VPS25: variants seen among roughly 807,000 people sequenced by gnomAD.
VPS25 encodes the protein vacuolar protein sorting 25 homolog.
A neutral mutation model predicts 30.3 loss-of-function variants in VPS25; 21 were observed. The observed-to-expected ratio is 0.69, with a 90% confidence interval of 0.49 to 1.00. The LOEUF is 1.00. Among genes scored for constraint, VPS25 ranks in the 50% least tolerant of loss-of-function variants. VPS25 has a pLI of 0.00. For synonymous variants in VPS25, 101 were observed against 88.1 expected (o/e 1.15, Z -0.82); for missense variants, 156 against 217.2 (o/e 0.72, Z 1.77).
At chr17:42,777,585 G>A (rs1048778691) in intron 5 of VPS25, among the ~76,000 whole-genome samples, 4 of 152,112 alleles carry the variant, frequency 2.6e-5, no homozygotes, top group Non-Finnish European at 5.9e-5. Context: ...TATAGATGCC[G>A]AATGAGAAAC....
intron 5 of VPS25, among the ~76,000 whole-genome samples, chr17:42,777,345 T>C (rs950872381): frequency 1.3e-5 from 2 of 152,084 alleles, no homozygotes; most frequent in African/African-American, 4.8e-5. Context: ...TGAAACCCCG[T>C]CTCTACTAAA....
At chr17:42,778,497 TAAAAGCTAG>T (rs2054448433) in intron 5 of VPS25, among the ~76,000 whole-genome samples, 2 of 152,158 alleles carry the variant, frequency 1.3e-5, no homozygotes, top group Non-Finnish European at 2.9e-5. Flanking sequence ...TGCTCCCAGC[TAAAAGCTAG>T]AAAAAGGGCA....
In VPS25 at chr17:42,774,688, T is replaced by C; in HGVS notation, c.242T>C (p.Leu81Pro). 2 of 1,612,900 alleles carry C rather than the reference T, an allele frequency of 1.2e-6. No homozygotes were observed. The highest frequency in any genetic ancestry group is 1.7e-6 in the Non-Finnish European group (2 of 1,179,080). ...TCGATCCAGATTGTATTAGAGGAAC[T>C]GAGGAAGAAAGGTGGGTTCAGTTCC... ...VESIQIVLEE[L>P]RKKGNLEWLD... is the part of the protein sequence containing the mutation. The change falls in exon 3 of 6, where the codon CTG becomes CCG. Residue 81 changes from leucine to proline, a missense_variant. Leu to Pro is a moderately conservative substitution (Grantham distance 98, BLOSUM62 -3). Coordinates refer to ENST00000253794, the MANE Select transcript of VPS25 (RefSeq NM_032353.4).
At chr17:42,776,670 T>G (rs568851143) in intron 5 of VPS25, among the ~76,000 whole-genome samples, 10 of 150,802 alleles carry the variant, frequency 6.6e-5, no homozygotes, top group South Asian at 2.1e-4. Context: ...CCTGTTTTTT[T>G]TTTTTTTTTT....
chr17:42,777,271 T>G (rs919569314), intron 5 of VPS25, among the ~76,000 whole-genome samples: 1 of 152,110 alleles, frequency 6.6e-6, no homozygotes. Flanking sequence ...TCCCAGCACT[T>G]TGGGAGGCCG....
intron 2 of VPS25, chr17:42,774,390 T>TTG: frequency 2.9e-6 from 1 of 342,648 alleles, no homozygotes; most frequent in Non-Finnish European, 5.2e-6. Context: ...TTTTTTTTTT[T>TTG]GGAGACAGGG....
intron 2 of VPS25, 67 bp downstream of exon 2, chr17:42,773,945 CG>C (rs770488624): frequency 2.0e-4 from 301 of 1,526,566 alleles, no homozygotes; most frequent in Non-Finnish European, 2.0e-4. Flanking sequence ...CATGCCCAGA[CG>C]CCCCCCCGCG....
At chr17:42,774,610 A>T in intron 2 of VPS25, 36 bp from the exon 3 acceptor site, 1 of 1,600,054 alleles carries the variant, frequency 6.2e-7, no homozygotes, top group Non-Finnish European at 8.5e-7. Context: ...ATCCTACCCA[A>T]CTCATGTGTA....
chr17:42,775,217 T>C, intron 3 of VPS25, 164 bp from the exon 4 acceptor site: 1 of 569,744 alleles, frequency 1.8e-6, no homozygotes, highest in Non-Finnish European at 3.1e-6. Context: ...GGCTAATTTT[T>C]TGTATTTTCT....
chr17:42,774,715 C>T lies in VPS25; in HGVS notation c.253+16C>T. 3 of 1,608,778 alleles carry T rather than the reference C, an allele frequency of 1.9e-6. No individual in the cohort carries two copies. The highest frequency in any genetic ancestry group is 2.6e-6 in the Non-Finnish European group (3 of 1,176,138). On this transcript the variant is annotated intron_variant, in intron 3 of 5. Transcript: ENST00000253794. ...AGGAAGAAAGGTGGGTTCAGTTCCCCAGATTCCTTATTTTTCTTCCTAGTT... is the reference window on the plus strand; with the variant it reads ...AGGAAGAAAGGTGGGTTCAGTTCCCTAGATTCCTTATTTTTCTTCCTAGTT...
rs139759685 is a variant in VPS25 at position 42,778,091 on chromosome 17, A to G, written c.419-866A>G. ...GCTGAGCCCCCACAGGGGGTGAGGT[A>G]AGCAAGCCTGTCAGGGCTTGCCTGC... On this transcript the variant is annotated intron_variant, in intron 5 of 5. Coordinates refer to ENST00000253794, the MANE Select transcript of VPS25 (RefSeq NM_032353.4). Among the ~76,000 whole-genome samples the G allele has an allele frequency of 9.5e-4, 144 of 152,266 alleles. No individual in the cohort carries two copies. The East Asian group carries it at 0.027, about 28-fold the overall frequency.
intron 5 of VPS25, among the ~76,000 whole-genome samples, chr17:42,776,571 C>T (rs1259751619): frequency 3.3e-5 from 5 of 151,888 alleles, no homozygotes; most frequent in Non-Finnish European, 7.4e-5. Flanking sequence ...ACCATGTTAG[C>T]CAGGTTGTTC....
In VPS25 at chr17:42,774,557, G is replaced by A; in HGVS notation, c.200-89G>A. 9 of 1,018,298 alleles carry A rather than the reference G, an allele frequency of 8.8e-6. 1 individual carries two copies. In the South Asian group the frequency reaches 1.2e-4, roughly 14 times the overall value. The allele number at this position is 1,018,298 out of a possible 1,614,324, so 63.1% of individuals were successfully genotyped here. On this transcript the variant is annotated intron_variant, in intron 2 of 5. Coordinates refer to ENST00000253794, the MANE Select transcript of VPS25 (RefSeq NM_032353.4). ...CACACATATGTGTGTGGGAGAGGAA[G>A]GGGCAGGTGTTTCTCAACATGGGAC...
chr17:42,775,391 G>A lies in VPS25; in HGVS notation c.264G>A (p.Glu88=), dbSNP rs374470237. Residue 88 remains glutamate, a synonymous_variant, in exon 4 of 6, where the codon GAG becomes GAA. Coordinates refer to ENST00000253794, the MANE Select transcript of VPS25 (RefSeq NM_032353.4). ...GTATCTGTTTTACAGGGAACCTCGA[G>A]TGGTTGGATAAGAGCAAGTCCAGCT... ...LEELRKKGNL[E]WLDKSKSSFL... 7.4e-6 allele frequency: 12 copies of A among 1,614,028 alleles called. No homozygotes were observed. Among genetic ancestry groups the A allele is most frequent in the Non-Finnish European group, 1.0e-5 (12 of 1,179,900 alleles).
Position 42,773,645 on chromosome 17 carries a change from C to T in VPS25, c.54-88C>T, listed in dbSNP as rs976578513. 34 of 1,604,880 alleles carry T rather than the reference C, an allele frequency of 2.1e-5. No homozygotes were observed. The Admixed American group carries it at 5.4e-4, about 25-fold the overall frequency. On this transcript the variant is annotated intron_variant, in intron 1 of 5. Transcript: ENST00000253794. ...GAAAAGACCCGTCGGCCAACACCCT[C>T]AGTCCCTTACTTTCTTCCTGAAATG...
chr17:42,774,796 C>A, intron 3 of VPS25, 97 bp downstream of exon 3: 1 of 1,136,140 alleles, frequency 8.8e-7, no homozygotes, highest in Non-Finnish European at 1.3e-6. Flanking sequence ...AACTTTTTCT[C>A]TCTCCTGGCT....
At chr17:42,776,883 T>C (rs1467742213) in intron 5 of VPS25, among the ~76,000 whole-genome samples, 2 of 152,210 alleles carry the variant, frequency 1.3e-5, no homozygotes, top group Non-Finnish European at 2.9e-5. Context: ...GATTAGATAT[T>C]ACAAGATTTC....
At chr17:42,778,587 C>G (rs985075831) in intron 5 of VPS25, among the ~76,000 whole-genome samples, 1 of 152,182 alleles carries the variant, frequency 6.6e-6, no homozygotes, top group Non-Finnish European at 1.5e-5. Context: ...TAGGATAGAT[C>G]CTCTAGGGTC....
intron 5 of VPS25, among the ~76,000 whole-genome samples, chr17:42,778,464 C>T (rs751991808): frequency 1.1e-4 from 16 of 152,138 alleles, no homozygotes; most frequent in Non-Finnish European, 1.6e-4. Flanking sequence ...GGATTACAGG[C>T]GTGAGCCACC....
Sources: gnomAD v4.1 joint callset for allele counts (sites outside exome capture counted in the v4.1 genomes callset) on GRCh38, gnomAD v4.1.1 for gene constraint, MANE v1.5 for transcripts, NCBI Gene and HGNC (gene_info 2026-07-23, HGNC 2026-07-21) for gene names.